AGBL4: variants seen among roughly 807,000 people sequenced by gnomAD.
AGBL4 encodes AGBL carboxypeptidase 4.
In AGBL4, 58 loss-of-function variants were observed where a neutral mutation model predicts 66.4. That is an observed-to-expected ratio of 0.87 (90% CI 0.71 to 1.09). The LOEUF is 1.09. AGBL4 is among the 50% of genes least tolerant of loss of function. AGBL4 has a pLI of 0.00. For synonymous variants in AGBL4, 234 were observed against 222.9 expected, an observed-to-expected ratio of 1.05 and a Z score of -0.44; for missense variants, 579 against 631.0, an observed-to-expected ratio of 0.92 and a Z score of 0.88.
intron 2 of AGBL4, among the ~76,000 whole-genome samples, chr1:49,737,967 T>C (rs1417749486): frequency 6.6e-6 from 1 of 152,208 alleles, no homozygotes; most frequent in African/African-American, 2.4e-5. Flanking sequence ...TGTTGGTCAG[T>C]GGGTGCAGGA....
intron 1 of AGBL4, among the ~76,000 whole-genome samples, chr1:49,954,429 G>A (rs891600780): frequency 6.6e-6 from 1 of 151,890 alleles, no homozygotes; most frequent in Admixed American, 6.6e-5. Flanking sequence ...ATGAGTTGTG[G>A]GTACCCGCTC....
chr1:49,601,261 C>T (rs1448840377), intron 3 of AGBL4, among the ~76,000 whole-genome samples: 2 of 152,102 alleles, frequency 1.3e-5, no homozygotes, highest in East Asian at 3.9e-4. Flanking sequence ...CATTCAGGAA[C>T]ACCAATCAAA....
At chr1:49,685,869 G>T (rs1401520036) in intron 3 of AGBL4, among the ~76,000 whole-genome samples, 1 of 152,096 alleles carries the variant, frequency 6.6e-6, no homozygotes, top group South Asian at 2.1e-4. Flanking sequence ...TGCTGATGGT[G>T]TATTTTGCTA....
At chr1:49,263,281 T>G (rs1653401829) in intron 3 of AGBL4, among the ~76,000 whole-genome samples, 1 of 151,940 alleles carries the variant, frequency 6.6e-6, no homozygotes, top group Non-Finnish European at 1.5e-5. Context: ...ATTGTGCACA[T>G]GTACCCTAAA....
chr1:49,033,551 G>T (rs1469904823), intron 5 of AGBL4, among the ~76,000 whole-genome samples: 1 of 152,074 alleles, frequency 6.6e-6, no homozygotes, highest in Non-Finnish European at 1.5e-5. Flanking sequence ...CCTGTTTTCT[G>T]TGGAATTGCC....
intron 12 of AGBL4, among the ~76,000 whole-genome samples, chr1:48,538,646 C>A (rs893490753): frequency 6.6e-5 from 10 of 152,324 alleles, no homozygotes; most frequent in Admixed American, 6.5e-4. Context: ...TCTCCTTTTC[C>A]TCATTTGTAA....
At chr1:48,915,741 T>C (rs1271041942) in intron 5 of AGBL4, among the ~76,000 whole-genome samples, 1 of 152,148 alleles carries the variant, frequency 6.6e-6, no homozygotes, top group Non-Finnish European at 1.5e-5. Context: ...TACTCAAGTT[T>C]GTGAACTGCT....
chr1:49,485,646 A>G (rs1477336932), intron 3 of AGBL4, among the ~76,000 whole-genome samples: 2 of 151,900 alleles, frequency 1.3e-5, no homozygotes, highest in African/African-American at 2.4e-5. Context: ...TAAAAAAAAA[A>G]AGAATGAGAT....
chr1:49,036,531 A>C (rs535692171), intron 5 of AGBL4, among the ~76,000 whole-genome samples: 2 of 152,182 alleles, frequency 1.3e-5, no homozygotes, highest in Admixed American at 6.6e-5. Flanking sequence ...AAGACTCATC[A>C]AGGGCATGTA....
At chr1:49,912,384 T>C (rs904800473) in intron 1 of AGBL4, among the ~76,000 whole-genome samples, 7 of 152,236 alleles carry the variant, frequency 4.6e-5, no homozygotes, top group East Asian at 1.9e-4. Context: ...TGGACAGTTA[T>C]AGGAAGGCTT....
At chr1:49,920,844 T>C (rs541431860) in intron 1 of AGBL4, among the ~76,000 whole-genome samples, 1 of 152,174 alleles carries the variant, frequency 6.6e-6, no homozygotes, top group Admixed American at 6.6e-5. Flanking sequence ...ACGAATCCAC[T>C]GTCCATCAAT....
chr1:48,860,881 C>T (rs191812671), intron 6 of AGBL4, among the ~76,000 whole-genome samples: 1 of 152,170 alleles, frequency 6.6e-6, no homozygotes, highest in East Asian at 1.9e-4. Flanking sequence ...ATGAAGAAAT[C>T]GAATGCTAAA....
chr1:48,793,891 A>T (rs1301008639), intron 6 of AGBL4, among the ~76,000 whole-genome samples: 5 of 152,176 alleles, frequency 3.3e-5, no homozygotes, highest in African/African-American at 1.2e-4. Context: ...TGGGCCAGGC[A>T]CATCGACCCT....
At chr1:49,501,718 T>C (rs192244150) in intron 3 of AGBL4, among the ~76,000 whole-genome samples, 9 of 152,088 alleles carry the variant, frequency 5.9e-5, no homozygotes, top group East Asian at 1.9e-4. Flanking sequence ...ATTTGAGATT[T>C]TTCTTATTTT....
chr1:49,766,936 G>A (rs1652774921), intron 2 of AGBL4, among the ~76,000 whole-genome samples: 1 of 152,020 alleles, frequency 6.6e-6, no homozygotes, highest in African/African-American at 2.4e-5. Context: ...CAATATTATA[G>A]CACCCAGATT....
intron 4 of AGBL4, among the ~76,000 whole-genome samples, chr1:49,198,062 T>C (rs1647375009): frequency 6.6e-6 from 1 of 151,984 alleles, no homozygotes; most frequent in Non-Finnish European, 1.5e-5. Context: ...AGTCTTCTGA[T>C]TGCTTCCCAA....
chr1:49,485,445 C>G (rs1247849819), intron 3 of AGBL4, among the ~76,000 whole-genome samples: 49 of 100,788 alleles, frequency 4.9e-4, no homozygotes, highest in African/African-American at 1.9e-3. Context: ...CATCACACAC[C>G]GGGGTCTGTT....
At chr1:49,754,584 C>G (rs1246121107) in intron 2 of AGBL4, among the ~76,000 whole-genome samples, 1 of 152,138 alleles carries the variant, frequency 6.6e-6, no homozygotes, top group Non-Finnish European at 1.5e-5. Context: ...AGAGGGGCAC[C>G]CAACAGATGC....
At chr1:49,153,859 C>T (rs1288020588) in intron 4 of AGBL4, among the ~76,000 whole-genome samples, 1 of 151,986 alleles carries the variant, frequency 6.6e-6, no homozygotes, top group East Asian at 1.9e-4. Flanking sequence ...AGTTCCTTCA[C>T]ATACTTGGAG....
Sources: allele counts gnomAD v4.1 joint callset (sites outside exome capture counted in the v4.1 genomes callset), GRCh38; gene constraint gnomAD v4.1.1; transcripts MANE v1.5; gene names NCBI Gene and HGNC (gene_info 2026-07-23, HGNC 2026-07-21).